Variants in CHMP7 observed in about 807,000 individuals in gnomAD.
The protein encoded by CHMP7 is CHMP family, member 7.
A neutral mutation model predicts 53.7 loss-of-function variants in CHMP7; 15 were observed. The observed-to-expected ratio is 0.28, with a 90% CI of 0.19 to 0.43. The LOEUF (loss-of-function observed/expected upper bound fraction) is 0.43, where lower values mean the gene tolerates loss of function less well. Ranked by LOEUF, CHMP7 falls within the 20% of genes least tolerant of loss-of-function variation. CHMP7 has a pLI of 1.00. For synonymous variants in CHMP7, 261 were observed against 228.0 expected (o/e 1.14, Z -1.30); for missense variants, 527 against 569.4 (o/e 0.93, Z 0.76).
At chr8:23,259,267 C>G in intron 9 of CHMP7, 141 bp downstream of exon 9, 1 of 476,622 alleles carries the variant, frequency 2.1e-6, no homozygotes, top group Non-Finnish European at 3.7e-6. Context: ...CTCCCGGGTT[C>G]ACGCCATTCT....
At chr8:23,255,915 C>T (rs1007508062) in intron 4 of CHMP7, among the ~76,000 whole-genome samples, 31 of 152,212 alleles carry the variant, frequency 2.0e-4, no homozygotes, top group African/African-American at 5.8e-4. Context: ...GCATGCGCCA[C>T]GGCCCCTGGC....
rs1357779140 is a variant in CHMP7, at chr8:23,260,226, C to T, written c.1203C>T (p.Asn401=). Residue 401 remains asparagine, a synonymous_variant, in exon 10 of 11, where the codon AAC becomes AAT. Coordinates refer to ENST00000397677, the MANE Select transcript of CHMP7 (RefSeq NM_152272.5). The part of the protein sequence containing the change: ...TTKEPLDLPD[N]PRNRHFTNSV... Reference sequence around the variant, plus strand: ...AAGAACCTTTGGATCTGCCTGACAACCCCCGCAATAGGCATTTTACCAACA... The same window carrying T: ...AAGAACCTTTGGATCTGCCTGACAATCCCCGCAATAGGCATTTTACCAACA... The T allele has an allele frequency of 1.2e-6, 2 of 1,614,040 alleles. No individual in the cohort carries two copies. Among genetic ancestry groups the T allele is most frequent in the African/African-American group, 2.7e-5 (2 of 74,920 alleles).
intron 2 of CHMP7, chr8:23,248,194 A>G (rs1418553589): frequency 2.2e-6 from 1 of 456,202 alleles, no homozygotes; most frequent in Non-Finnish European, 4.4e-6. Flanking sequence ...CAGTAGTTGA[A>G]GAAGTCAGTG....
At chr8:23,254,919 G>T in intron 3 of CHMP7, 1 of 402,936 alleles carries the variant, frequency 2.5e-6, no homozygotes, top group South Asian at 2.2e-5. Flanking sequence ...GTTCACAGCT[G>T]TTCTACCTCA....
chr8:23,246,815 G>A lies in CHMP7; in HGVS notation c.120G>A (p.Arg40=). The A allele has an allele frequency of 6.3e-7, 1 of 1,596,882 alleles. No individual in the cohort carries two copies. The highest frequency in any genetic ancestry group is 8.5e-7 in the Non-Finnish European group (1 of 1,172,130). ...CCTTCCTGTTCTCCGCTTTCAAGAG[G>A]AGTCGCGAGGTGAACAGCACCGACT... ...RMSFLFSAFK[R]SREVNSTDWD... The change falls in exon 2 of 11, where the codon AGG becomes AGA. Residue 40 remains arginine, a synonymous_variant. Coordinates refer to ENST00000397677, the MANE Select transcript of CHMP7 (RefSeq NM_152272.5).
At chr8:23,252,362 T>C (rs1201138169) in intron 3 of CHMP7, 2 of 151,992 alleles carry the variant, frequency 1.3e-5, no homozygotes, top group African/African-American at 4.8e-5. Flanking sequence ...TTTTTTGTAT[T>C]TTTAGTAGAG....
chr8:23,244,931 A>T (rs977807869), intron 1 of CHMP7, among the ~76,000 whole-genome samples: 1 of 152,266 alleles, frequency 6.6e-6, no homozygotes, highest in African/African-American at 2.4e-5. Context: ...TTCATATTCC[A>T]CTTGATCATT....
chr8:23,248,643 A>G (rs1801801209), intron 2 of CHMP7, among the ~76,000 whole-genome samples: 1 of 152,228 alleles, frequency 6.6e-6, no homozygotes. Flanking sequence ...TATTCCTTAT[A>G]TAGCCTTCAG....
At chr8:23,245,323 A>C (rs992844494) in intron 1 of CHMP7, among the ~76,000 whole-genome samples, 4 of 152,184 alleles carry the variant, frequency 2.6e-5, no homozygotes, top group African/African-American at 7.2e-5. Context: ...TAGAGTGCCG[A>C]GACTTTTTAT....
chr8:23,255,247 G>A lies in CHMP7; in HGVS notation c.472G>A (p.Glu158Lys). Residue 158 changes from glutamate to lysine, a missense_variant and splice_region_variant, in exon 4 of 11, where the codon GAA becomes AAA. By Grantham distance (56) the Glu-to-Lys change is moderately conservative (BLOSUM62 1). Transcript: ENST00000397677. ...EVLVAVELLK[E>K]KAEEVYRLYQ... is the part of the protein sequence containing the mutation. ...TCAGCCAATGTTGCCTTTCCCACAG[G>A]AAAAGGCTGAGGAGGTGTATCGTCT... The A allele has an allele frequency of 6.2e-7, 1 of 1,614,042 alleles. No individual in the cohort carries two copies. Among genetic ancestry groups the A allele is most frequent in the South Asian group, 1.1e-5 (1 of 91,078 alleles).
rs778708248 is a variant in CHMP7 at position 23,246,897 on chromosome 8, G to A, written c.202G>A (p.Gly68Arg). The A allele has an allele frequency of 8.8e-6, 14 of 1,582,728 alleles. No homozygotes were observed. The highest frequency in any genetic ancestry group is 3.6e-5 in the Admixed American group (2 of 55,070). ...GGTGCTGAGCCACAGCCGCCGCCAG[G>A]GGGTGGTGCGCCTGCGTCTGCGGGA... Reference protein sequence around the residue: ...PLVLSHSRRQGVVRLRLRDLQ... With the variant: ...PLVLSHSRRQRVVRLRLRDLQ... Residue 68 changes from glycine to arginine, a missense_variant, in exon 2 of 11, where the codon GGG becomes AGG. By Grantham distance (125) the Gly-to-Arg change is moderately radical (BLOSUM62 -2). Transcript: ENST00000397677.
chr8:23,249,915 G>T (rs1417173964), intron 3 of CHMP7, among the ~76,000 whole-genome samples: 1 of 152,122 alleles, frequency 6.6e-6, no homozygotes, highest in Non-Finnish European at 1.5e-5. Flanking sequence ...CTTTCCCACA[G>T]CCTTGATCGC....
At position 23,257,009 on chromosome 8, in the gene CHMP7, G is replaced by A. The variant is rs139050992; in HGVS notation, c.791+416G>A. Among the ~76,000 whole-genome samples the A allele has an allele frequency of 5.6e-3, 855 of 151,452 alleles. 10 individuals carry two copies. Among genetic ancestry groups the A allele is most frequent in the Middle Eastern group, 0.014 (4 of 290 alleles). The stretch of plus-strand genomic sequence containing the variant: ...GGGTTTCACTGTGTTAGCCAGGATG[G>A]TCTGAATCTCCTGACCTCGTGATCC... On this transcript the variant is annotated intron_variant, in intron 5 of 10. Coordinates refer to ENST00000397677, the MANE Select transcript of CHMP7 (RefSeq NM_152272.5).
At chr8:23,256,789 C>CT (rs71210606) in intron 5 of CHMP7, 196 bp downstream of exon 5, 3,186 of 102,622 alleles carry the variant, frequency 0.031, 91 homozygotes, top group African/African-American at 0.044. Flanking sequence ...AATGAGGCCT[C>CT]TTTTTTTTTT....
chr8:23,245,879 T>C (rs1196304702), intron 1 of CHMP7, among the ~76,000 whole-genome samples: 1 of 152,264 alleles, frequency 6.6e-6, no homozygotes, highest in Non-Finnish European at 1.5e-5. Flanking sequence ...CCATTTCGTC[T>C]AGGTTATCAA....
At chr8:23,258,902 T>C in intron 8 of CHMP7, 72 bp downstream of exon 8, 4 of 1,184,606 alleles carry the variant, frequency 3.4e-6, no homozygotes, top group Admixed American at 3.4e-5. Context: ...TCATTGCACA[T>C]CCTCTTTAAC....
Position 23,255,414 on chromosome 8 carries a change from C to T in CHMP7, c.639C>T (p.Leu213=), listed in dbSNP as rs760199715. 19 of 1,614,174 alleles carry T rather than the reference C, an allele frequency of 1.2e-5. No homozygotes were observed. The highest frequency in any genetic ancestry group is 2.2e-5 in the South Asian group (2 of 91,084). ...AGAAGGAGAAGAGGGTCACAGTCCT[C>T]GAGCAGAACGGGGAGAAGGTATGGA... ...QLQKEKRVTV[L]EQNGEKIVKF... is the part of the protein sequence containing the mutation. The change falls in exon 4 of 11, where the codon CTC becomes CTT. Residue 213 remains leucine (L), a synonymous_variant. Transcript: ENST00000397677.
chr8:23,249,224 A>G lies in CHMP7; in HGVS notation c.314A>G (p.Gln105Arg), dbSNP rs781530482. 3.8e-6 allele frequency: 6 copies of G among 1,594,058 alleles called. No individual in the cohort carries two copies. In the South Asian group the frequency reaches 6.8e-5, roughly 18 times the overall value. Residue 105 changes from glutamine (Q) to arginine (R), a missense_variant, in exon 3 of 11, where the codon CAG becomes CGG. Physicochemically the swap from Gln to Arg is conservative, Grantham distance 43. Coordinates refer to ENST00000397677, the MANE Select transcript of CHMP7 (RefSeq NM_152272.5). ...CTTCCCTGCAGTCGAGGGGAGCTGC[A>G]GCGGGAGTCAGACTTCATGGCCAGT... The part of the protein sequence containing the change: ...LQDLLRRGEL[Q>R]RESDFMASVD...
intron 2 of CHMP7, chr8:23,248,298 A>C (rs892990356): frequency 3.4e-5 from 14 of 416,442 alleles, no homozygotes; most frequent in African/African-American, 2.9e-4. Context: ...TGGTGGTATT[A>C]AAGTCTCTTC....
Sources: allele counts gnomAD v4.1 joint callset (sites outside exome capture counted in the v4.1 genomes callset), GRCh38; gene constraint gnomAD v4.1.1; transcripts MANE v1.5; gene names NCBI Gene and HGNC (gene_info 2026-07-23, HGNC 2026-07-21).